ARHGAP11B: variants seen among roughly 807,000 people sequenced by gnomAD.
ARHGAP11B encodes inactive Rho GTPase-activating protein 11B.
ARHGAP11B carries 14 observed loss-of-function variants against 27.6 expected under a neutral mutation model. The ratio of observed to expected loss-of-function variants is 0.51; its 90% CI spans 0.34 to 0.79. ARHGAP11B has a LOEUF of 0.79. ARHGAP11B is among the 30% of genes least tolerant of loss of function. The pLI, the probability that ARHGAP11B is intolerant of heterozygous loss-of-function variation, is 0.02. For synonymous variants in ARHGAP11B, 82 were observed against 114.1 expected (o/e 0.72, Z 1.80); for missense variants, 245 against 320.1 (o/e 0.77, Z 1.79).
At chr15:30,647,091 AC>A (rs1566785405) in intron 9 of ARHGAP11B, among the ~76,000 whole-genome samples, 3 of 151,958 alleles carry the variant, frequency 2.0e-5, no homozygotes, top group African/African-American at 7.2e-5. Flanking sequence ...CATCTGGTAA[AC>A]TGCAAGGTTT....
At chr15:30,646,968 TCAAAACAAAA>T (rs1046727180) in intron 9 of ARHGAP11B, among the ~76,000 whole-genome samples, 1 of 151,912 alleles carries the variant, frequency 6.6e-6, no homozygotes, top group African/African-American at 2.4e-5. Context: ...AAACTCCATC[TCAAAACAAAA>T]CAAAACAAAA....
chr15:30,635,132 A>C (rs1463975650), exon 5 of ARHGAP11B: 1 of 1,613,560 alleles, frequency 6.2e-7, no homozygotes, highest in Non-Finnish European at 8.5e-7. Flanking sequence ...ATTTGCACCA[A>C]ATCTTCTTCA....
Position 30,637,816 on chromosome 15 carries a change from CTT to C in ARHGAP11B, c.*4-910_*4-909del, listed in dbSNP as rs398026724. Reference sequence around the variant, plus strand: ...CCCTACATATTGCTATTAAGGCTCACTTTTTTTTTTTTTTTTTTTTTGAGACG... The same window carrying C: ...CCCTACATATTGCTATTAAGGCTCACTTTTTTTTTTTTTTTTTTTGAGACG... On this transcript the variant is annotated intron_variant, in intron 6 of 10. Coordinates refer to ENST00000428041, the Ensembl canonical transcript of ARHGAP11B. Among the ~76,000 whole-genome samples the C allele has an allele frequency of 9.8e-3, 1,007 of 103,118 alleles. 13 individuals are homozygous for C. The highest frequency in any genetic ancestry group is 0.033 in the African/African-American group (854 of 25,932). 67.6% of individuals were successfully genotyped at this position (103,118 alleles called of 152,430 possible). A position where few individuals can be genotyped will look rare whatever the true frequency, so the allele number is the denominator to read the frequency against.
intron 1 of ARHGAP11B, 74 bp downstream of exon 1, chr15:30,627,023 G>A: frequency 6.3e-7 from 1 of 1,592,578 alleles, no homozygotes. Context: ...AGCAGATCGT[G>A]CTAAAATGTT....
At chr15:30,644,366 G>C (rs1195227809) in intron 7 of ARHGAP11B, among the ~76,000 whole-genome samples, 2 of 151,860 alleles carry the variant, frequency 1.3e-5, no homozygotes, top group Non-Finnish European at 2.9e-5. Flanking sequence ...TCTAATTAGA[G>C]GTAAATTATC....
exon 11 of ARHGAP11B, among the ~76,000 whole-genome samples, chr15:30,648,318 G>A (rs1280544953): frequency 6.6e-6 from 1 of 151,986 alleles, no homozygotes; most frequent in African/African-American, 2.4e-5. Context: ...AGCATACCAG[G>A]TGGAAAGCAC....
At chr15:30,635,162 A>G in exon 5 of ARHGAP11B, 3 of 1,613,480 alleles carry the variant, frequency 1.9e-6, no homozygotes, top group African/African-American at 1.3e-5. Flanking sequence ...AGGACATGAA[A>G]AGATGTCTTC....
intron 6 of ARHGAP11B, among the ~76,000 whole-genome samples, chr15:30,637,969 G>A (rs1209233709): frequency 6.6e-6 from 1 of 151,526 alleles, no homozygotes; most frequent in Non-Finnish European, 1.5e-5. Context: ...ACAGGTGCAC[G>A]CTACCATGCC....
At chr15:30,643,487 CA>C (rs2060327236) in intron 7 of ARHGAP11B, among the ~76,000 whole-genome samples, 1 of 151,986 alleles carries the variant, frequency 6.6e-6, no homozygotes, top group East Asian at 1.9e-4. Flanking sequence ...TCATGTTGGC[CA>C]GGCTGGTCTT....
chr15:30,635,304 C>A (rs2060272569), intron 5 of ARHGAP11B, 116 bp downstream of exon 5: 1 of 1,497,120 alleles, frequency 6.7e-7, no homozygotes, highest in Admixed American at 1.9e-5. Flanking sequence ...CTGTTTCTTT[C>A]AAAGGAACTA....
rs766467386 is a variant in ARHGAP11B, at chr15:30,635,210, G to T, written c.660+22G>T. On this transcript the variant is annotated intron_variant, in intron 5 of 10. Transcript: ENST00000428041. ...GAAGGTACGATTACAGGCTGCAGTA[G>T]TACAGACTCTTATCGATTATGCATC... 10 of 1,610,178 alleles carry T rather than the reference G, an allele frequency of 6.2e-6. No homozygotes were observed. In the East Asian group the frequency reaches 2.0e-4, roughly 32 times the overall value.
At chr15:30,641,269 T>C (rs1364039345) in intron 7 of ARHGAP11B, among the ~76,000 whole-genome samples, 1 of 151,984 alleles carries the variant, frequency 6.6e-6, no homozygotes, top group Non-Finnish European at 1.5e-5. Flanking sequence ...ATAAAAAATA[T>C]GATGCTTTTA....
intron 7 of ARHGAP11B, among the ~76,000 whole-genome samples, chr15:30,642,560 T>C (rs1404173602): frequency 1.4e-4 from 21 of 152,032 alleles, no homozygotes; most frequent in Admixed American, 1.3e-3. Context: ...GCCAATAGCT[T>C]ATTTTTTATA....
intron 1 of ARHGAP11B, among the ~76,000 whole-genome samples, chr15:30,628,289 G>C (rs929971196): frequency 1.3e-5 from 2 of 151,824 alleles, no homozygotes; most frequent in African/African-American, 2.4e-5. Context: ...CACTGTGTTA[G>C]CCAGGATGGT....
chr15:30,640,804 C>T (rs954891532), intron 7 of ARHGAP11B, among the ~76,000 whole-genome samples: 27 of 151,886 alleles, frequency 1.8e-4, no homozygotes, highest in Non-Finnish European at 3.1e-4. Context: ...CTCTAGGGCT[C>T]ATTGAAATGT....
rs2060337145 is a variant in ARHGAP11B, at chr15:30,644,840, A to C, written c.*142+138A>C. ...TGACAATTGGTTATATTCTTGGGTC[A>C]GTGTTATGTGAATTGTAAGTAATCT... On this transcript the variant is annotated intron_variant, in intron 8 of 10. Transcript: ENST00000428041. The C allele has an allele frequency of 7.3e-6, 6 of 824,634 alleles. No individual in the cohort carries two copies. The African/African-American group carries it at 8.7e-5, about 12-fold the overall frequency. 51.1% of individuals were successfully genotyped at this position (824,634 alleles called of 1,614,324 possible). A position where few individuals can be genotyped will look rare whatever the true frequency, so the allele number is the denominator to read the frequency against.
chr15:30,646,549 A>G (rs1457101250), intron 9 of ARHGAP11B, among the ~76,000 whole-genome samples: 2 of 151,976 alleles, frequency 1.3e-5, no homozygotes, highest in Non-Finnish European at 2.9e-5. Context: ...GATTTTAAAA[A>G]AATATATAGG....
chr15:30,633,568 T>G lies in ARHGAP11B; in HGVS notation c.279T>G (p.Ile93Met), dbSNP rs148099800. Residue 93 changes from isoleucine (I) to methionine (M), a missense_variant, in exon 3 of 11, where the codon ATT becomes ATG. Physicochemically the swap from Ile to Met is conservative, Grantham distance 10. Coordinates refer to ENST00000428041, the Ensembl canonical transcript of ARHGAP11B. ...TTTTTCGGAAATCAGGATCTGTGATTCGCCTAAAAGCACTAAAGGTGAGCA... is the reference window on the plus strand; with the variant it reads ...TTTTTCGGAAATCAGGATCTGTGATGCGCCTAAAAGCACTAAAGGTGAGCA... The G allele has an allele frequency of 8.1e-6, 13 of 1,613,076 alleles. No homozygotes were observed. The African/African-American group carries it at 1.5e-4, about 18-fold the overall frequency.
rs769635666 is a variant in ARHGAP11B, at chr15:30,635,522, G to A, written c.696G>A (p.Gln232=). The change falls in exon 6 of 11, where the codon CAG becomes CAA. Residue 232 remains glutamine, a synonymous_variant. Coordinates refer to ENST00000428041, the Ensembl canonical transcript of ARHGAP11B. ...AGACTTTATCCTGGAAAAGATACCA[G>A]CCATGTTGGGTATTGATGGTCTCTG... is the stretch of plus-strand genomic sequence containing the variant. The A allele has an allele frequency of 1.5e-5, 25 of 1,613,318 alleles. 1 individual carries two copies. Among genetic ancestry groups the A allele is most frequent in the Non-Finnish European group, 2.0e-5 (24 of 1,179,622 alleles).
Sources: gnomAD v4.1 joint callset for allele counts (sites outside exome capture counted in the v4.1 genomes callset) on GRCh38, gnomAD v4.1.1 for gene constraint, MANE v1.5 for transcripts, NCBI Gene and HGNC (gene_info 2026-07-23, HGNC 2026-07-21) for gene names.